The following P2RY14 variants were observed in gnomAD, a reference collection of about 807,000 sequenced individuals.
P2RY14 encodes the protein P2Y purinoceptor 14.
A neutral mutation model predicts 0.9 loss-of-function variants in P2RY14; 2 were observed. The observed-to-expected ratio is 2.16, with a 90% confidence interval of 0.88 to 6.79. P2RY14 has a LOEUF of 6.79. Among genes scored for constraint, P2RY14 ranks in the 30% most tolerant of loss-of-function variants. P2RY14 has a pLI of 0.05. For synonymous variants in P2RY14, 158 were observed against 147.2 expected (o/e 1.07, Z -0.53); for missense variants, 378 against 400.1 (o/e 0.94, Z 0.47).
Position 151,222,751 on chromosome 3 carries a change from C to G in P2RY14, c.-132-3109G>C, listed in dbSNP as rs1370274733. Among the ~76,000 whole-genome samples, 6 of 152,216 alleles carry G rather than the reference C, an allele frequency of 3.9e-5. No individual in the cohort carries two copies. In the East Asian group the frequency reaches 1.2e-3, roughly 29 times the overall value. ...TGATATGCTGCTGGTCCATGTACCACTCTTTGAGTTAGCATCATTTTTTTC... is the reference window on the plus strand; with the variant it reads ...TGATATGCTGCTGGTCCATGTACCAGTCTTTGAGTTAGCATCATTTTTTTC... On this transcript the variant is annotated intron_variant, in intron 1 of 2. Coordinates refer to ENST00000309170, the MANE Select transcript of P2RY14 (RefSeq NM_014879.4).
At chr3:151,223,612 CACTTATA>C (rs1262977929) in intron 1 of P2RY14, among the ~76,000 whole-genome samples, 1 of 152,120 alleles carries the variant, frequency 6.6e-6, no homozygotes, top group African/African-American at 2.4e-5. Flanking sequence ...CACATATTTT[CACTTATA>C]AGTGGGAACT....
intron 1 of P2RY14, among the ~76,000 whole-genome samples, chr3:151,243,095 T>C (rs1302030233): frequency 2.6e-5 from 4 of 151,304 alleles, no homozygotes; most frequent in African/African-American, 9.7e-5. Context: ...GAGCAAAGCC[T>C]CCAAGAAATA....
chr3:151,270,815 C>T (rs1292309155), intron 1 of P2RY14, among the ~76,000 whole-genome samples: 2 of 152,112 alleles, frequency 1.3e-5, no homozygotes, highest in Non-Finnish European at 2.9e-5. Context: ...ATGACTCTTG[C>T]CCTGCCACTC....
At chr3:151,264,211 A>T (rs1739422406) in intron 1 of P2RY14, among the ~76,000 whole-genome samples, 1 of 152,136 alleles carries the variant, frequency 6.6e-6, no homozygotes. Context: ...AAATCTTTGA[A>T]GGTTGTGTTT....
Position 151,219,622 on chromosome 3 carries a change from A to C in P2RY14, c.-112T>G, listed in dbSNP as rs1728925388. ...GCGTTTGTCGTCTTGAAGTGGCCCAAGTGTTTTTTCATTAAAGATCCTGCA... is the reference window on the plus strand; with the variant it reads ...GCGTTTGTCGTCTTGAAGTGGCCCACGTGTTTTTTCATTAAAGATCCTGCA... On this transcript the variant is annotated 5_prime_UTR_variant, in exon 2 of 3. Transcript: ENST00000309170. 1 of 152,208 alleles carries C rather than the reference A, an allele frequency of 6.6e-6. No individual in the cohort carries two copies. The highest frequency in any genetic ancestry group is 2.1e-4 in the South Asian group (1 of 4,832). The allele number at this position is 152,208 out of a possible 1,614,324, so 9.4% of individuals were successfully genotyped here.
intron 1 of P2RY14, among the ~76,000 whole-genome samples, chr3:151,269,191 G>A (rs555349742): frequency 1.2e-4 from 19 of 152,202 alleles, no homozygotes; most frequent in Admixed American, 7.9e-4. Flanking sequence ...ACCTGAGGTC[G>A]GGAGTTCGAG....
rs1735440447 is a variant in P2RY14, at chr3:151,246,266, A to T, written c.-132-26624T>A. ...GCCTTTCTTCACAGAATTGGAAAAA[A>T]CTACTTTAAAGTTCATATGGAACCA... On this transcript the variant is annotated intron_variant, in intron 1 of 2. Transcript: ENST00000309170. Among the ~76,000 whole-genome samples the T allele has an allele frequency of 3.3e-5, 5 of 152,334 alleles. No homozygotes were observed. In the South Asian group the frequency reaches 6.2e-4, roughly 19 times the overall value.
chr3:151,229,194 C>G (rs1432410058), intron 1 of P2RY14, among the ~76,000 whole-genome samples: 2 of 152,146 alleles, frequency 1.3e-5, no homozygotes, highest in African/African-American at 2.4e-5. Flanking sequence ...CATATACTCT[C>G]TAACCCAAAG....
chr3:151,232,384 C>G (rs4680260), intron 1 of P2RY14, among the ~76,000 whole-genome samples: 74,803 of 152,004 alleles, frequency 0.49, 18,634 homozygotes, highest in Middle Eastern at 0.61. Flanking sequence ...GATAGCCATT[C>G]TGATTGGTGT....
intron 1 of P2RY14, among the ~76,000 whole-genome samples, chr3:151,246,235 A>G (rs1215204336): frequency 2.0e-5 from 3 of 152,338 alleles, no homozygotes; most frequent in East Asian, 3.9e-4. Flanking sequence ...CCATCAAGCT[A>G]CCAATGCCTT....
At chr3:151,269,688 A>G (rs1740517375) in intron 1 of P2RY14, 3 of 418,430 alleles carry the variant, frequency 7.2e-6, no homozygotes, top group South Asian at 3.9e-5. Flanking sequence ...GGTTACAGAA[A>G]GATTTTTATT....
chr3:151,231,260 G>A (rs1731612448), intron 1 of P2RY14, among the ~76,000 whole-genome samples: 1 of 152,226 alleles, frequency 6.6e-6, no homozygotes, highest in Non-Finnish European at 1.5e-5. Flanking sequence ...ACCTCAGTGT[G>A]ATAACTGATT....
intron 1 of P2RY14, among the ~76,000 whole-genome samples, chr3:151,220,872 A>G (rs1407921860): frequency 6.6e-6 from 1 of 152,198 alleles, no homozygotes; most frequent in Non-Finnish European, 1.5e-5. Context: ...GAAAATGTGG[A>G]AGCAACTTTG....
chr3:151,275,582 G>A (rs900722391), intron 1 of P2RY14, among the ~76,000 whole-genome samples: 1 of 152,210 alleles, frequency 6.6e-6, no homozygotes, highest in Non-Finnish European at 1.5e-5. Context: ...AAGCTTTGCT[G>A]TGGTAAACTT....
intron 1 of P2RY14, among the ~76,000 whole-genome samples, chr3:151,268,990 G>C (rs1001730963): frequency 6.6e-6 from 1 of 152,150 alleles, no homozygotes; most frequent in Non-Finnish European, 1.5e-5. Context: ...CTTTCCTAGC[G>C]GTGTGACCCC....
chr3:151,259,721 CTG>C (rs1358189866), intron 1 of P2RY14, among the ~76,000 whole-genome samples: 3 of 152,220 alleles, frequency 2.0e-5, no homozygotes, highest in African/African-American at 4.8e-5. Context: ...TATAAATACT[CTG>C]TGTTAATCTT....
intron 1 of P2RY14, among the ~76,000 whole-genome samples, chr3:151,277,038 A>G (rs1269218459): frequency 1.3e-5 from 2 of 152,090 alleles, no homozygotes; most frequent in Non-Finnish European, 2.9e-5. Context: ...CTGGGATTAC[A>G]GGCATGCACC....
chr3:151,223,258 C>T (rs1729774895), intron 1 of P2RY14, among the ~76,000 whole-genome samples: 1 of 149,948 alleles, frequency 6.7e-6, no homozygotes, highest in South Asian at 2.1e-4. Context: ...TAAATTAGTT[C>T]AGTCCCTATT....
At chr3:151,242,846 G>T (rs1453691524) in intron 1 of P2RY14, among the ~76,000 whole-genome samples, 2 of 149,330 alleles carry the variant, frequency 1.3e-5, no homozygotes, top group African/African-American at 4.9e-5. Context: ...CAAACCAAAG[G>T]CAAAGAAGTT....
Sources: gnomAD v4.1 joint callset for allele counts (sites outside exome capture counted in the v4.1 genomes callset) on GRCh38, gnomAD v4.1.1 for gene constraint, MANE v1.5 for transcripts, NCBI Gene and HGNC (gene_info 2026-07-23, HGNC 2026-07-21) for gene names.